ZNF322: variants seen among roughly 807,000 people sequenced by gnomAD.
The protein encoded by ZNF322 is HLA complex group 12.
In ZNF322, 1 loss-of-function variant was observed where a neutral mutation model predicts 18.3. That is an observed-to-expected ratio of 0.05 (90% CI 0.02 to 0.26). ZNF322 has a LOEUF of 0.26. ZNF322 is among the 10% of genes least tolerant of loss of function. The probability of loss-of-function intolerance (pLI) is 1.00; values close to 1 mark genes in which losing one functional copy is unlikely to be tolerated. For missense variants in ZNF322, 36 were observed against 403.6 expected, an observed-to-expected ratio of 0.09 and a Z score of 7.80; for synonymous variants, 17 against 130.7, an observed-to-expected ratio of 0.13 and a Z score of 5.93.
At chr6:26,641,074 C>T (rs1173710662) in intron 3 of ZNF322, among the ~76,000 whole-genome samples, 6 of 152,192 alleles carry the variant, frequency 3.9e-5, no homozygotes, top group Admixed American at 2.6e-4. Flanking sequence ...TGAGATGATA[C>T]ATAACATTCT....
At chr6:26,642,251 T>A (rs1554148384) in intron 3 of ZNF322, among the ~76,000 whole-genome samples, 1 of 152,190 alleles carries the variant, frequency 6.6e-6, no homozygotes. Flanking sequence ...CACCATTACC[T>A]TATAGTCCTG....
At chr6:26,647,552 A>G (rs1187419556) in intron 2 of ZNF322, among the ~76,000 whole-genome samples, 2 of 151,608 alleles carry the variant, frequency 1.3e-5, no homozygotes, top group Non-Finnish European at 2.9e-5. Flanking sequence ...AATAAATATG[A>G]TTAACTATAA....
chr6:26,649,635 ATATGTGTG>A (rs1322870192), intron 2 of ZNF322, among the ~76,000 whole-genome samples: 8 of 68,480 alleles, frequency 1.2e-4, no homozygotes, highest in Admixed American at 3.1e-4. Context: ...ATATACATAC[ATATGTGTG>A]TGTGTGTGTG....
chr6:26,644,741 T>C (rs1211925833), intron 2 of ZNF322, among the ~76,000 whole-genome samples: 3 of 152,222 alleles, frequency 2.0e-5, no homozygotes, highest in Admixed American at 6.5e-5. Flanking sequence ...TAAAACGTAA[T>C]TGTCAACTGA....
chr6:26,642,027 G>A (rs1554148350), intron 3 of ZNF322, among the ~76,000 whole-genome samples: 1 of 152,128 alleles, frequency 6.6e-6, no homozygotes, highest in Non-Finnish European at 1.5e-5. Flanking sequence ...TGTAAAACCC[G>A]ATTGTACATT....
At chr6:26,656,274 TTTCCTTCAAC>T in intron 2 of ZNF322, among the ~76,000 whole-genome samples, 1 of 152,354 alleles carries the variant, frequency 6.6e-6, no homozygotes, top group South Asian at 2.1e-4. Flanking sequence ...AGTAACTTAA[TTTCCTTCAAC>T]TTCAATATTC....
chr6:26,641,546 A>G (rs1765466412), intron 3 of ZNF322, among the ~76,000 whole-genome samples: 2 of 152,222 alleles, frequency 1.3e-5, no homozygotes, highest in African/African-American at 2.4e-5. Context: ...AAAGGAAGAC[A>G]TAAGAAACTC....
intron 2 of ZNF322, among the ~76,000 whole-genome samples, chr6:26,647,902 G>A (rs111994068): frequency 0.012 from 1,732 of 149,448 alleles, 12 homozygotes; most frequent in Non-Finnish European, 0.018. Flanking sequence ...TTAAAGAGTC[G>A]GGGTCTTGCT....
In ZNF322 at chr6:26,634,593, G is replaced by A. The variant is rs369408637; in HGVS notation, c.*2752C>T. ...AAGTTACCTTCTAGTTTTGGTTACA[G>A]GCTCCCAAGTGGTCCTCTCCAACCT... is the stretch of plus-strand genomic sequence containing the variant. On this transcript the variant is annotated 3_prime_UTR_variant, in exon 4 of 4. Transcript: ENST00000415922. The A allele has an allele frequency of 1.4e-4, 17 of 122,200 alleles. No homozygotes were observed. In the East Asian group the frequency reaches 3.0e-3, roughly 21 times the overall value. 7.6% of individuals were successfully genotyped at this position (122,200 alleles called of 1,614,324 possible).
In ZNF322 at chr6:26,656,833, G is replaced by A. The variant is rs549368369; in HGVS notation, c.-246+1725C>T. Among the ~76,000 whole-genome samples the A allele has an allele frequency of 1.6e-4, 24 of 152,002 alleles. No homozygotes were observed. In the South Asian group the frequency reaches 2.5e-3, roughly 16 times the overall value. On this transcript the variant is annotated intron_variant, in intron 2 of 3. Coordinates refer to ENST00000415922, the MANE Select transcript of ZNF322 (RefSeq NM_024639.5). ...TTATTTGCCCTAAACAACCAATGAA[G>A]TGTGGGGCATTAAGAAGAAGAAAAA...
intron 3 of ZNF322, among the ~76,000 whole-genome samples, chr6:26,642,531 T>C (rs1011309905): frequency 5.3e-5 from 8 of 152,250 alleles, no homozygotes; most frequent in Non-Finnish European, 1.2e-4. Context: ...CCATGATCTA[T>C]GAACTGTCCT....
chr6:26,641,791 G>A (rs113969453), intron 3 of ZNF322, among the ~76,000 whole-genome samples: 11 of 152,266 alleles, frequency 7.2e-5, no homozygotes, highest in East Asian at 3.9e-4. Flanking sequence ...GTGGAAGGCC[G>A]CAGGGACCTC....
intron 2 of ZNF322, among the ~76,000 whole-genome samples, chr6:26,656,539 A>C (rs1420585729): frequency 6.6e-6 from 1 of 152,194 alleles, no homozygotes; most frequent in African/African-American, 2.4e-5. Flanking sequence ...ATTAATATGA[A>C]GATTATGCAA....
intron 2 of ZNF322, among the ~76,000 whole-genome samples, chr6:26,652,872 A>G (rs1554149341): frequency 6.6e-6 from 1 of 152,114 alleles, no homozygotes; most frequent in Non-Finnish European, 1.5e-5. Context: ...TGTGTGTGGT[A>G]TGTGCATGTG....
chr6:26,648,836 C>T (rs1320073367), intron 2 of ZNF322, among the ~76,000 whole-genome samples: 1 of 152,218 alleles, frequency 6.6e-6, no homozygotes, highest in African/African-American at 2.4e-5. Flanking sequence ...AACAATTCAA[C>T]ATTATGAAGA....
intron 3 of ZNF322, among the ~76,000 whole-genome samples, chr6:26,640,418 C>T (rs1167985953): frequency 2.0e-5 from 3 of 152,168 alleles, no homozygotes; most frequent in Non-Finnish European, 4.4e-5. Context: ...ACAAGCCAGA[C>T]TCACTCCCAT....
intron 2 of ZNF322, among the ~76,000 whole-genome samples, chr6:26,646,238 A>G (rs1475922289): frequency 6.6e-6 from 1 of 152,152 alleles, no homozygotes; most frequent in Non-Finnish European, 1.5e-5. Flanking sequence ...AATATAAATG[A>G]GCTTAACACA....
chr6:26,645,236 T>C (rs1191479787), intron 2 of ZNF322, among the ~76,000 whole-genome samples: 1 of 152,222 alleles, frequency 6.6e-6, no homozygotes, highest in African/African-American at 2.4e-5. Flanking sequence ...CAACACATCC[T>C]TTAAAAGCAG....
chr6:26,648,268 A>C (rs1356213732), intron 2 of ZNF322, among the ~76,000 whole-genome samples: 1 of 152,196 alleles, frequency 6.6e-6, no homozygotes, highest in Non-Finnish European at 1.5e-5. Context: ...ATCAACATCT[A>C]TTCTGGATAA....
Sources: allele counts gnomAD v4.1 joint callset (sites outside exome capture counted in the v4.1 genomes callset), GRCh38; gene constraint gnomAD v4.1.1; transcripts MANE v1.5; gene names NCBI Gene and HGNC (gene_info 2026-07-23, HGNC 2026-07-21).